Variants in PDE4B observed in about 807,000 individuals in gnomAD.
The protein encoded by PDE4B is 3',5'-cyclic-AMP phosphodiesterase 4B.
In PDE4B, 20 loss-of-function variants were observed where a neutral mutation model predicts 82.2. The observed-to-expected ratio is 0.24, with a 90% CI of 0.17 to 0.35. The LOEUF (loss-of-function observed/expected upper bound fraction) is 0.35. Ranked by LOEUF, PDE4B falls within the 10% of genes least tolerant of loss-of-function variation. The pLI, the probability that PDE4B is intolerant of heterozygous loss-of-function variation, is 1.00. For missense variants in PDE4B, 655 were observed against 907.2 expected (o/e 0.72, Z 3.57); for synonymous variants, 320 against 318.9 (o/e 1.00, Z -0.04).
chr1:66,027,105 AAT>A (rs1653479437), intron 3 of PDE4B, among the ~76,000 whole-genome samples: 1 of 152,208 alleles, frequency 6.6e-6, no homozygotes, highest in African/African-American at 2.4e-5. Context: ...AAAATCTAAA[AAT>A]ATGTGTATTA....
At chr1:66,278,000 A>G (rs545415408) in intron 7 of PDE4B, among the ~76,000 whole-genome samples, 1 of 152,368 alleles carries the variant, frequency 6.6e-6, no homozygotes, top group South Asian at 2.1e-4. Context: ...GAGCAAAATT[A>G]AAACACTTAG....
intron 8 of PDE4B, among the ~76,000 whole-genome samples, chr1:66,347,049 G>A (rs536003280): frequency 6.6e-6 from 1 of 152,244 alleles, no homozygotes; most frequent in African/African-American, 2.4e-5. Context: ...GGACTCAGTT[G>A]AATCCTCAGA....
chr1:66,249,334 G>T (rs933364306), intron 4 of PDE4B, among the ~76,000 whole-genome samples: 1 of 152,174 alleles, frequency 6.6e-6, no homozygotes, highest in Non-Finnish European at 1.5e-5. Flanking sequence ...TTTTACAGGT[G>T]CAAGATTAGC....
intron 1 of PDE4B, among the ~76,000 whole-genome samples, chr1:65,823,715 C>T (rs569555931): frequency 1.3e-5 from 2 of 152,160 alleles, no homozygotes; most frequent in African/African-American, 2.4e-5. Flanking sequence ...AACATCTGAA[C>T]GTCTTATATG....
chr1:66,019,832 A>G (rs1652988905), intron 3 of PDE4B, among the ~76,000 whole-genome samples: 1 of 152,232 alleles, frequency 6.6e-6, no homozygotes, highest in South Asian at 2.1e-4. Context: ...AAATCTGTTC[A>G]GATCCAGTTT....
chr1:66,332,659 G>T (rs372726395), intron 8 of PDE4B, 39 bp downstream of exon 8: 25 of 1,580,808 alleles, frequency 1.6e-5, no homozygotes, highest in African/African-American at 2.7e-5. Context: ...GTGTGATCAT[G>T]CAGGGAGCTC....
intron 3 of PDE4B, among the ~76,000 whole-genome samples, chr1:65,964,836 T>C (rs1649728305): frequency 6.6e-6 from 1 of 152,164 alleles, no homozygotes; most frequent in Non-Finnish European, 1.5e-5. Context: ...ATTGTGTATG[T>C]GCATGTGTGT....
At chr1:66,171,133 A>C (rs1435369502) in intron 3 of PDE4B, among the ~76,000 whole-genome samples, 7 of 152,190 alleles carry the variant, frequency 4.6e-5, no homozygotes, top group Admixed American at 4.6e-4. Context: ...ATTAATTCTC[A>C]TAAATCAGTC....
At chr1:66,008,521 C>A (rs556010457) in intron 3 of PDE4B, among the ~76,000 whole-genome samples, 1 of 152,244 alleles carries the variant, frequency 6.6e-6, no homozygotes, top group African/African-American at 2.4e-5. Context: ...GTTTTCCATT[C>A]TATTAAATGG....
chr1:66,110,920 A>G (rs76716380), intron 3 of PDE4B, among the ~76,000 whole-genome samples: 1,837 of 152,146 alleles, frequency 0.012, 43 homozygotes, highest in African/African-American at 0.043. Context: ...AAAGCTTTGG[A>G]AAAGCAGAAT....
chr1:66,342,952 T>A (rs1369635116), intron 8 of PDE4B, among the ~76,000 whole-genome samples: 1 of 151,442 alleles, frequency 6.6e-6, no homozygotes, highest in Non-Finnish European at 1.5e-5. Context: ...GGCTGAGGCA[T>A]GAGAATCGCT....
chr1:65,891,439 A>G (rs1431365640), intron 1 of PDE4B, among the ~76,000 whole-genome samples: 1 of 152,076 alleles, frequency 6.6e-6, no homozygotes, highest in Non-Finnish European at 1.5e-5. Flanking sequence ...GCCCTTATAA[A>G]GTTATGGTAT....
At chr1:65,991,800 C>G (rs1443135216) in intron 3 of PDE4B, among the ~76,000 whole-genome samples, 2 of 152,182 alleles carry the variant, frequency 1.3e-5, no homozygotes, top group Non-Finnish European at 2.9e-5. Flanking sequence ...TGCCCACACA[C>G]AAGCATACAG....
intron 1 of PDE4B, among the ~76,000 whole-genome samples, chr1:65,794,278 C>T (rs1570939810): frequency 6.6e-6 from 1 of 152,254 alleles, no homozygotes; most frequent in South Asian, 2.1e-4. Flanking sequence ...TGCTGGAAAA[C>T]TCTTGGCTAA....
At chr1:65,926,093 G>A (rs1647483476) in intron 3 of PDE4B, among the ~76,000 whole-genome samples, 1 of 152,084 alleles carries the variant, frequency 6.6e-6, no homozygotes, top group African/African-American at 2.4e-5. Context: ...TTTGATTACA[G>A]TTCCCCCTTG....
intron 3 of PDE4B, among the ~76,000 whole-genome samples, chr1:66,017,210 C>T (rs1351793999): frequency 6.6e-6 from 1 of 152,076 alleles, no homozygotes; most frequent in African/African-American, 2.4e-5. Flanking sequence ...TTTGTGTAAC[C>T]AGTATCTCTC....
At chr1:66,352,717 G>GT (rs5774811) in intron 8 of PDE4B, among the ~76,000 whole-genome samples, 3,820 of 151,294 alleles carry the variant, frequency 0.025, 92 homozygotes, top group South Asian at 0.084. Context: ...TTGTTCCTTT[G>GT]TTTTTTTTTC....
At chr1:66,190,148 T>C (rs61798195) in intron 3 of PDE4B, among the ~76,000 whole-genome samples, 76,562 of 151,942 alleles carry the variant, frequency 0.5, 19,972 homozygotes, top group South Asian at 0.64. Context: ...GCAGAACAGC[T>C]GATATTGGTG....
chr1:66,180,551 T>C (rs1014836694), intron 3 of PDE4B, among the ~76,000 whole-genome samples: 3 of 151,984 alleles, frequency 2.0e-5, no homozygotes, highest in Admixed American at 6.6e-5. Context: ...AAAGAAATGA[T>C]AAAAAGACAT....
Sources: gnomAD v4.1 joint callset for allele counts (sites outside exome capture counted in the v4.1 genomes callset) on GRCh38, gnomAD v4.1.1 for gene constraint, MANE v1.5 for transcripts, NCBI Gene and HGNC (gene_info 2026-07-23, HGNC 2026-07-21) for gene names.